RUFY4: variants seen among roughly 807,000 people sequenced by gnomAD.
RUFY4 encodes RUN and FYVE domain containing 4.
A neutral mutation model predicts 69.0 loss-of-function variants in RUFY4; 73 were observed. The ratio of observed to expected loss-of-function variants is 1.06; its 90% confidence interval spans 0.88 to 1.29. RUFY4 has a LOEUF of 1.29. RUFY4 is among the 50% of genes most tolerant of loss of function. RUFY4 has a pLI of 0.00. For synonymous variants in RUFY4, 287 were observed against 271.8 expected (o/e 1.06, Z -0.55); for missense variants, 770 against 705.6 (o/e 1.09, Z -1.03).
upstream of RUFY4, among the ~76,000 whole-genome samples, chr2:218,069,802 G>A (rs571869137): frequency 9.6e-4 from 146 of 152,194 alleles, no homozygotes; most frequent in African/African-American, 3.4e-3. Flanking sequence ...TCCATGCCTG[G>A]TCTTGACTCT....
At position 218,073,816 on chromosome 2, in the gene RUFY4, G is replaced by A. The variant is rs1689554424; in HGVS notation, c.531G>A (p.Glu177=). 1 of 1,613,788 alleles carries A rather than the reference G, an allele frequency of 6.2e-7. No homozygotes were observed. The highest frequency in any genetic ancestry group is 1.3e-5 in the African/African-American group (1 of 74,908). The change falls in exon 6 of 11, where the codon GAG becomes GAA. Residue 177 remains glutamate, a splice_region_variant and synonymous_variant. Transcript: ENST00000344321. ...GTCCCCCTGCCTCTTTCACTTTCAG[G>A]TCACGCTGCTCCAGTTCCACCCAAA...
upstream of RUFY4, among the ~76,000 whole-genome samples, chr2:218,066,133 A>T (rs1303816147): frequency 6.8e-6 from 1 of 147,462 alleles, no homozygotes; most frequent in Non-Finnish European, 1.5e-5. Flanking sequence ...TGCTGAGATG[A>T]TGATGATGAT....
intron 9 of RUFY4, among the ~76,000 whole-genome samples, chr2:218,087,351 C>T (rs1414008999): frequency 6.6e-6 from 1 of 151,904 alleles, no homozygotes; most frequent in Admixed American, 6.6e-5. Context: ...ATGTAAATAG[C>T]CACATGTGGG....
chr2:218,079,294 G>T (rs950256510), intron 8 of RUFY4, among the ~76,000 whole-genome samples: 2 of 152,246 alleles, frequency 1.3e-5, no homozygotes, highest in African/African-American at 4.8e-5. Flanking sequence ...GCAGCATGGA[G>T]CAAGGAGAAG....
At chr2:218,038,683 G>T (rs1959016005) in intron 2 of RUFY4, among the ~76,000 whole-genome samples, 1 of 152,162 alleles carries the variant, frequency 6.6e-6, no homozygotes, top group Non-Finnish European at 1.5e-5. Flanking sequence ...GCGGGTGAGG[G>T]GTTTTTGGTG....
chr2:218,072,972 T>C, intron 4 of RUFY4, 87 bp downstream of exon 6: 1 of 1,120,028 alleles, frequency 8.9e-7, no homozygotes, highest in South Asian at 1.6e-5. Flanking sequence ...CCCCCACAGA[T>C]GGCTTTCTAT....
At chr2:218,069,961 T>C (rs2106046086), upstream of RUFY4, among the ~76,000 whole-genome samples, 1 of 152,254 alleles carries the variant, frequency 6.6e-6, no homozygotes, top group Middle Eastern at 3.4e-3. Context: ...ACACGCAGCA[T>C]GTGCTCAGCC....
intron 9 of RUFY4, among the ~76,000 whole-genome samples, chr2:218,086,688 A>G (rs1001501745): frequency 6.6e-6 from 1 of 152,224 alleles, no homozygotes; most frequent in East Asian, 1.9e-4. Flanking sequence ...GTGCTCCAGA[A>G]AAACAAGGAA....
rs372544844 is a variant in RUFY4 at position 218,073,390 on chromosome 2, A to C, written c.530+4A>C. 1.9e-6 allele frequency: 3 copies of C among 1,589,864 alleles called. No individual in the cohort carries two copies. In the Admixed American group the frequency reaches 5.3e-5, roughly 28 times the overall value. ...GAGCCTGGCCCATGTTCTCAGAGTG[A>C]GTGGGTGCAGCCAGGAGAGAAGTCT... On this transcript the variant is annotated splice_donor_region_variant and intron_variant, in intron 5 of 10. Transcript: ENST00000344321.
exon 11 of RUFY4, chr2:218,090,557 C>T (rs888153855): frequency 1.2e-5 from 2 of 160,470 alleles, no homozygotes; most frequent in African/African-American, 4.8e-5. Flanking sequence ...GTACTACTGA[C>T]ATATGATAAA....
At chr2:218,080,534 T>G (rs1183692152) in intron 8 of RUFY4, among the ~76,000 whole-genome samples, 1 of 152,190 alleles carries the variant, frequency 6.6e-6, no homozygotes, top group East Asian at 1.9e-4. Flanking sequence ...GACGGTGGGA[T>G]AGCTAAGGTT....
At chr2:218,039,011 C>T (rs1959020972) in intron 2 of RUFY4, among the ~76,000 whole-genome samples, 5 of 152,150 alleles carry the variant, frequency 3.3e-5, no homozygotes, top group Admixed American at 3.3e-4. Context: ...GGTTGCATAA[C>T]TGGTTTAGAC....
At position 218,044,667 on chromosome 2, in the gene RUFY4, T is replaced by A. The variant is rs547168484; in HGVS notation, c.-1158+9273T>A. Among the ~76,000 whole-genome samples, 14 of 152,300 alleles carry A rather than the reference T, an allele frequency of 9.2e-5. No homozygotes were observed. The South Asian group carries it at 2.9e-3, about 32-fold the overall frequency. On this transcript the variant is annotated intron_variant and NMD_transcript_variant, in intron 2 of 13. Coordinates refer to the RUFY4 transcript ENST00000457754. Reference sequence around the variant, plus strand: ...TGTCCATGTGTTCTCATCTTTTAGCTCCCACTTATAAGTGAGAACACCAAT... The same window carrying A: ...TGTCCATGTGTTCTCATCTTTTAGCACCCACTTATAAGTGAGAACACCAAT...
chr2:218,073,702 G>A, intron 5 of RUFY4, 114 bp from the exon 8 acceptor site: 2 of 1,142,460 alleles, frequency 1.8e-6, no homozygotes, highest in Non-Finnish European at 2.5e-6. Flanking sequence ...TGGGCAGGAA[G>A]GAGGAAGTGT....
exon 3 of RUFY4, chr2:218,072,464 A>T (rs1013080774): frequency 6.5e-7 from 1 of 1,537,192 alleles, no homozygotes; most frequent in Non-Finnish European, 8.7e-7. Context: ...GCGGGGAAAC[A>T]TGGAGCCAAT....
chr2:218,073,186 G>A (rs780457670), intron 4 of RUFY4, 57 bp from the exon 7 acceptor site: 8 of 1,528,090 alleles, frequency 5.2e-6, no homozygotes, highest in Non-Finnish European at 7.0e-6. Context: ...GGTGGTTGGG[G>A]CAGGGGGAAA....
chr2:218,085,368 G>GA lies in RUFY4; in HGVS notation c.1502+2121dup, dbSNP rs938375463. Reference sequence around the variant, plus strand: ...CTAAGCAAAAAACAAAAAGAAAAAGGAAAAAAAAATAGCCACCAAGGTTGA... The same window carrying GA: ...CTAAGCAAAAAACAAAAAGAAAAAGGAAAAAAAAAATAGCCACCAAGGTTGA... On this transcript the variant is annotated intron_variant, in intron 9 of 10. Coordinates refer to ENST00000344321, the Ensembl canonical transcript of RUFY4. Among the ~76,000 whole-genome samples, 24 of 150,848 alleles carry GA rather than the reference G, an allele frequency of 1.6e-4. 1 individual carries two copies. The highest frequency in any genetic ancestry group is 6.3e-4 in the South Asian group (3 of 4,746).
At chr2:218,090,043 C>A in exon 11 of RUFY4, 3 of 1,544,990 alleles carry the variant, frequency 1.9e-6, no homozygotes, top group Non-Finnish European at 2.6e-6. Context: ...AAGAGAAGCC[C>A]AGGTCACCTG....
intron 2 of RUFY4, among the ~76,000 whole-genome samples, chr2:218,058,437 C>A (rs773830499): frequency 6.6e-6 from 1 of 152,204 alleles, no homozygotes; most frequent in Non-Finnish European, 1.5e-5. Context: ...TGTGTTTCTC[C>A]CTTCCCCGAC....
Sources: allele counts gnomAD v4.1 joint callset (sites outside exome capture counted in the v4.1 genomes callset), GRCh38; gene constraint gnomAD v4.1.1; transcripts MANE v1.5; gene names NCBI Gene and HGNC (gene_info 2026-07-23, HGNC 2026-07-21).